The following DPY19L2 variants were observed in gnomAD, a reference collection of about 807,000 sequenced individuals.
The protein encoded by DPY19L2 is dpy-19 like 2.
A neutral mutation model predicts 97.9 loss-of-function variants in DPY19L2; 34 were observed. The ratio of observed to expected loss-of-function variants is 0.35; its 90% confidence interval spans 0.26 to 0.46. The LOEUF (loss-of-function observed/expected upper bound fraction) is 0.46, where lower values mean the gene tolerates loss of function less well. Among genes scored for constraint, DPY19L2 ranks in the 20% least tolerant of loss-of-function variants. The pLI, the probability that DPY19L2 is intolerant of heterozygous loss-of-function variation, is 1.00. For synonymous variants in DPY19L2, 230 were observed against 307.9 expected (o/e 0.75, Z 2.65); for missense variants, 623 against 911.4 (o/e 0.68, Z 4.07).
chr12:63,644,690 GTATGTGTGTATATATA>G (rs1893161646), intron 5 of DPY19L2, among the ~76,000 whole-genome samples, 194 bp from the exon 6 acceptor site: 1 of 151,718 alleles, frequency 6.6e-6, no homozygotes, highest in African/African-American at 2.4e-5. Flanking sequence ...ACATATATAT[GTATGTGTGTATATATA>G]TGTGTGTGTA....
chr12:63,576,905 AT>A (rs1330993408), intron 19 of DPY19L2, among the ~76,000 whole-genome samples: 3 of 152,052 alleles, frequency 2.0e-5, no homozygotes, highest in Admixed American at 6.6e-5. Context: ...CAAACTACTA[AT>A]GATATTCCTC....
At chr12:63,579,015 C>A (rs1880392438) in intron 19 of DPY19L2, among the ~76,000 whole-genome samples, 1 of 152,072 alleles carries the variant, frequency 6.6e-6, no homozygotes, top group South Asian at 2.1e-4. Context: ...CCAAAAAAAA[C>A]TAGGCACACC....
chr12:63,636,686 GA>G (rs775596245), intron 6 of DPY19L2, among the ~76,000 whole-genome samples: 9 of 152,100 alleles, frequency 5.9e-5, no homozygotes, highest in Non-Finnish European at 1.0e-4. Context: ...AAGAGACAAA[GA>G]AGGCCATTAC....
chr12:63,629,148 A>T (rs1188445978), intron 6 of DPY19L2, among the ~76,000 whole-genome samples: 1 of 152,148 alleles, frequency 6.6e-6, no homozygotes, highest in African/African-American at 2.4e-5. Flanking sequence ...AAACTCTAAA[A>T]ATCAGAGTGC....
chr12:63,620,458 C>T (rs970307023), intron 9 of DPY19L2, among the ~76,000 whole-genome samples: 1 of 152,070 alleles, frequency 6.6e-6, no homozygotes, highest in Admixed American at 6.6e-5. Flanking sequence ...TAGATATATA[C>T]AGATATTATC....
Position 63,573,655 on chromosome 12 carries a change from T to C in DPY19L2, c.1901-2798A>G, listed in dbSNP as rs542904911. On this transcript the variant is annotated intron_variant, in intron 19 of 21. Transcript: ENST00000324472. ...TCATTTAATATCAAACTCCCAAAGGTCAAGGATAAAGAAAGGATCCTAAAA... is the reference window on the plus strand; with the variant it reads ...TCATTTAATATCAAACTCCCAAAGGCCAAGGATAAAGAAAGGATCCTAAAA... Among the ~76,000 whole-genome samples the C allele has an allele frequency of 1.9e-3, 289 of 151,840 alleles. 1 individual carries two copies. Among genetic ancestry groups the C allele is most frequent in the Non-Finnish European group, 3.1e-3 (208 of 67,958 alleles).
chr12:63,598,629 T>C (rs1359781996), intron 13 of DPY19L2, among the ~76,000 whole-genome samples: 1 of 152,160 alleles, frequency 6.6e-6, no homozygotes, highest in African/African-American at 2.4e-5. Context: ...TTAATTCAAA[T>C]TATTTTATAG....
chr12:63,570,844 T>C lies in DPY19L2; in HGVS notation c.1914A>G (p.Ala638=), dbSNP rs1274148064. 6.2e-7 allele frequency: 1 copy of C among 1,604,324 alleles called. No homozygotes were observed. Residue 638 remains alanine (A), a synonymous_variant, in exon 20 of 22, where the codon GCA becomes GCG. Coordinates refer to ENST00000324472, the MANE Select transcript of DPY19L2 (RefSeq NM_173812.5). ...TGCTTGCCATTGTAGGCATGGCACC[T>C]GCAAAGACAGCATCTGAAAAAAAAA... The part of the protein sequence containing the change: ...KYSTTSDAVF[A]GAMPTMASIK...
intron 4 of DPY19L2, among the ~76,000 whole-genome samples, chr12:63,657,696 G>T (rs891899379): frequency 2.0e-5 from 3 of 152,030 alleles, no homozygotes; most frequent in Non-Finnish European, 4.4e-5. Flanking sequence ...ACATGGGTGT[G>T]AGCAGAGTCT....
intron 6 of DPY19L2, among the ~76,000 whole-genome samples, chr12:63,627,539 G>A (rs1592628613): frequency 2.6e-5 from 4 of 151,910 alleles, no homozygotes; most frequent in East Asian, 3.9e-4. Flanking sequence ...TAGTAGAGAC[G>A]GTGCTTCACC....
At chr12:63,568,983 G>T (rs1342375416) in intron 21 of DPY19L2, among the ~76,000 whole-genome samples, 6 of 151,830 alleles carry the variant, frequency 4.0e-5, no homozygotes. Context: ...AAAAAGCTAA[G>T]TGGAAGATGT....
intron 4 of DPY19L2, among the ~76,000 whole-genome samples, chr12:63,652,675 G>A (rs368054292): frequency 3.3e-5 from 5 of 152,126 alleles, no homozygotes; most frequent in Admixed American, 1.3e-4. Flanking sequence ...ATGCAGGAAC[G>A]GAAAACTAAA....
At chr12:63,564,965 A>T (rs915132009) in intron 21 of DPY19L2, among the ~76,000 whole-genome samples, 1 of 152,166 alleles carries the variant, frequency 6.6e-6, no homozygotes, top group Non-Finnish European at 1.5e-5. Flanking sequence ...TCCCTTCTTC[A>T]TTTAAAAATC....
chr12:63,621,688 C>T (rs575494775), intron 8 of DPY19L2, among the ~76,000 whole-genome samples: 4 of 152,166 alleles, frequency 2.6e-5, no homozygotes, highest in Non-Finnish European at 5.9e-5. Context: ...CAACATGCTT[C>T]TCCTGTATGT....
At chr12:63,632,451 A>T (rs1890865198) in intron 6 of DPY19L2, among the ~76,000 whole-genome samples, 1 of 152,194 alleles carries the variant, frequency 6.6e-6, no homozygotes, top group African/African-American at 2.4e-5. Context: ...ACCATGAGGC[A>T]ACTCCCATTC....
intron 6 of DPY19L2, among the ~76,000 whole-genome samples, chr12:63,638,238 C>G (rs1192215578): frequency 6.6e-6 from 1 of 152,006 alleles, no homozygotes; most frequent in African/African-American, 2.4e-5. Flanking sequence ...TATGACAAAC[C>G]CACAGCCAAT....
chr12:63,597,017 G>C (rs1270993571), intron 14 of DPY19L2, among the ~76,000 whole-genome samples: 1 of 151,832 alleles, frequency 6.6e-6, no homozygotes, highest in African/African-American at 2.4e-5. Flanking sequence ...CTGTCACCCA[G>C]GCTGGAGTGC....
chr12:63,660,639 GTC>G (rs1463017029), intron 4 of DPY19L2, among the ~76,000 whole-genome samples: 1 of 151,888 alleles, frequency 6.6e-6, no homozygotes, highest in Non-Finnish European at 1.5e-5. Context: ...TATTTTCTAA[GTC>G]TGTAGTTTTA....
intron 6 of DPY19L2, among the ~76,000 whole-genome samples, chr12:63,630,599 C>T (rs1890433226): frequency 6.6e-6 from 1 of 152,068 alleles, no homozygotes; most frequent in African/African-American, 2.4e-5. Flanking sequence ...GAGACTTAGA[C>T]TCCCACACAA....
Sources: gnomAD v4.1 joint callset for allele counts (sites outside exome capture counted in the v4.1 genomes callset) on GRCh38, gnomAD v4.1.1 for gene constraint, MANE v1.5 for transcripts, NCBI Gene and HGNC (gene_info 2026-07-23, HGNC 2026-07-21) for gene names.